CRTAM: variants seen among roughly 807,000 people sequenced by gnomAD.
CRTAM encodes the protein cytotoxic and regulatory T-cell molecule.
CRTAM carries 44 observed loss-of-function variants against 50.0 expected under a neutral mutation model. That is an observed-to-expected ratio of 0.88 (90% CI 0.69 to 1.13). The LOEUF (loss-of-function observed/expected upper bound fraction) is 1.13, where lower values mean the gene tolerates loss of function less well. Ranked by LOEUF, CRTAM falls within the 50% of genes most tolerant of loss-of-function variation. The pLI is 0.00. For synonymous variants in CRTAM, 159 were observed against 169.3 expected (o/e 0.94, Z 0.47); for missense variants, 448 against 457.5 (o/e 0.98, Z 0.19).
Position 122,867,508 on chromosome 11 carries a change from A to T in CRTAM, c.917A>T (p.Gln306Leu). Residue 306 changes from glutamine (Q) to leucine (L), a missense_variant, in exon 8 of 10, where the codon CAG (glutamine) becomes CTG (leucine). Gln to Leu is a moderately radical substitution (Grantham distance 113). Coordinates refer to ENST00000227348, the MANE Select transcript of CRTAM (RefSeq NM_019604.4). ...ATTTTCATACTCTTCATCATAGTCC[A>T]GCTCTTCATCATGAAGCTGAGGAAA... is the stretch of plus-strand genomic sequence containing the variant. ...FLIFILFIIV[Q>L]LFIMKLRKAH... The T allele has an allele frequency of 6.2e-7, 1 of 1,614,158 alleles. No homozygotes were observed. The highest frequency in any genetic ancestry group is 8.5e-7 in the Non-Finnish European group (1 of 1,180,010).
At chr11:122,840,246 T>A (rs894698049) in intron 1 of CRTAM, among the ~76,000 whole-genome samples, 3 of 152,186 alleles carry the variant, frequency 2.0e-5, no homozygotes, top group African/African-American at 7.2e-5. Flanking sequence ...GTACTTTGTG[T>A]TAATTACACT....
intron 9 of CRTAM, 89 bp downstream of exon 9, chr11:122,868,188 A>ATGTGTGTGTGTGTGTG (rs58440037): frequency 2.5e-4 from 108 of 439,982 alleles, no homozygotes; most frequent in Non-Finnish European, 3.5e-4. Context: ...ACAACAGAAT[A>ATGTGTGTGTGTGTGTG]TGTGTGTGTG....
chr11:122,863,414 A>G (rs1371198072), intron 6 of CRTAM, among the ~76,000 whole-genome samples: 2 of 152,184 alleles, frequency 1.3e-5, no homozygotes, highest in African/African-American at 4.8e-5. Context: ...GAGCAAGACT[A>G]TTAGCCTCAT....
At chr11:122,869,627 A>G (rs1862226571) in intron 9 of CRTAM, among the ~76,000 whole-genome samples, 2 of 152,222 alleles carry the variant, frequency 1.3e-5, no homozygotes, top group Non-Finnish European at 2.9e-5. Context: ...CCTCCATACA[A>G]ACTAACTTAT....
intron 1 of CRTAM, among the ~76,000 whole-genome samples, chr11:122,841,494 G>A (rs183678482): frequency 4.6e-5 from 7 of 150,676 alleles, no homozygotes; most frequent in East Asian, 1.9e-4. Flanking sequence ...TCCACCTCCC[G>A]GGTTGACGCC....
intron 9 of CRTAM, 102 bp from the exon 10 acceptor site, chr11:122,871,167 A>G (rs1862247328): frequency 1.8e-6 from 2 of 1,087,014 alleles, no homozygotes; most frequent in Non-Finnish European, 2.7e-6. Flanking sequence ...TTATAAAGCA[A>G]TATGTGAACC....
chr11:122,853,483 A>T (rs2135239074), intron 3 of CRTAM, among the ~76,000 whole-genome samples: 1 of 152,300 alleles, frequency 6.6e-6, no homozygotes. Flanking sequence ...CTTTGCAAGC[A>T]CATGAAAGCC....
intron 1 of CRTAM, among the ~76,000 whole-genome samples, chr11:122,846,685 T>TA (rs1861868257): frequency 6.6e-6 from 1 of 152,208 alleles, no homozygotes; most frequent in South Asian, 2.1e-4. Flanking sequence ...TACCATGAAC[T>TA]GAGTGGTATG....
At chr11:122,863,226 T>C (rs1862111415) in intron 6 of CRTAM, among the ~76,000 whole-genome samples, 1 of 77,502 alleles carries the variant, frequency 1.3e-5, no homozygotes, top group Admixed American at 1.5e-4. Context: ...GAAAATGAAT[T>C]ACGAAAGAAA....
At chr11:122,852,472 A>G (rs1199503318) in intron 3 of CRTAM, among the ~76,000 whole-genome samples, 1 of 152,166 alleles carries the variant, frequency 6.6e-6, no homozygotes, top group East Asian at 1.9e-4. Context: ...GGCAGAACAG[A>G]TCGATTAAAA....
rs1180954498 is a variant in CRTAM, at chr11:122,871,462, T to A, written c.*63T>A. On this transcript the variant is annotated 3_prime_UTR_variant, in exon 10 of 10. Coordinates refer to ENST00000227348, the MANE Select transcript of CRTAM (RefSeq NM_019604.4). ...GCAGTGTCACCTCAGTGGACCAGCCTGGGGGAAGGAGCTTAATTGCTGAGA... is the reference window on the plus strand; with the variant it reads ...GCAGTGTCACCTCAGTGGACCAGCCAGGGGGAAGGAGCTTAATTGCTGAGA... The A allele has an allele frequency of 6.8e-7, 1 of 1,472,106 alleles. No homozygotes were observed. The highest frequency in any genetic ancestry group is 1.4e-5 in the African/African-American group (1 of 71,526). The allele number at this position is 1,472,106 out of a possible 1,614,324, so 91.2% of individuals were successfully genotyped here.
chr11:122,852,139 T>A (rs892469614), intron 3 of CRTAM, among the ~76,000 whole-genome samples: 1 of 152,190 alleles, frequency 6.6e-6, no homozygotes, highest in African/African-American at 2.4e-5. Flanking sequence ...CCAGGCACCA[T>A]GTGAGGTTCT....
intron 6 of CRTAM, among the ~76,000 whole-genome samples, chr11:122,863,768 T>C (rs1862130506): frequency 2.6e-5 from 4 of 152,194 alleles, no homozygotes; most frequent in Non-Finnish European, 5.9e-5. Flanking sequence ...AGCAACTCAA[T>C]TTTCTGCTCT....
At chr11:122,850,330 C>A in intron 2 of CRTAM, 116 bp downstream of exon 2, 1 of 1,000,308 alleles carries the variant, frequency 1.0e-6, no homozygotes, top group Non-Finnish European at 1.4e-6. Context: ...TGGGCTCAGC[C>A]CACCTACTGT....
At chr11:122,867,252 A>T (rs1319271336) in intron 7 of CRTAM, among the ~76,000 whole-genome samples, 157 bp from the exon 8 acceptor site, 1 of 151,984 alleles carries the variant, frequency 6.6e-6, no homozygotes, top group Non-Finnish European at 1.5e-5. Flanking sequence ...GAACAATGTA[A>T]GTCTCTTTAC....
At chr11:122,860,847 G>A (rs1862062140) in intron 5 of CRTAM, among the ~76,000 whole-genome samples, 1 of 152,128 alleles carries the variant, frequency 6.6e-6, no homozygotes, top group African/African-American at 2.4e-5. Context: ...TGGAACTACA[G>A]GGGCGCACCA....
intron 1 of CRTAM, among the ~76,000 whole-genome samples, chr11:122,848,110 G>A (rs992157125): frequency 6.6e-5 from 10 of 152,188 alleles, no homozygotes; most frequent in East Asian, 1.9e-4. Context: ...GAACTGATGC[G>A]TGGGCCCCAC....
intron 1 of CRTAM, among the ~76,000 whole-genome samples, chr11:122,841,624 T>C (rs1861799676): frequency 6.6e-6 from 1 of 152,062 alleles, no homozygotes; most frequent in African/African-American, 2.4e-5. Flanking sequence ...ATAGTCTCGA[T>C]CTCCTGATCT....
chr11:122,851,742 C>T lies in CRTAM; in HGVS notation c.243C>T (p.Leu81=), dbSNP rs767956794. ...TTCTTCATCACTCGGCCAATCAGCTCTCCATCACTGTGCCTAACGTAACCC... is the reference window on the plus strand; with the variant it reads ...TTCTTCATCACTCGGCCAATCAGCTTTCCATCACTGTGCCTAACGTAACCC... The part of the protein sequence containing the change: ...YQLLHHSANQ[L]SITVPNVTLQ... The change falls in exon 3 of 10, where the codon CTC becomes CTT. Residue 81 remains leucine, a synonymous_variant. Transcript: ENST00000227348. The T allele has an allele frequency of 6.8e-6, 11 of 1,614,048 alleles. No individual in the cohort carries two copies. Among genetic ancestry groups the T allele is most frequent in the Non-Finnish European group, 8.5e-6 (10 of 1,180,014 alleles).
Sources: gnomAD v4.1 joint callset for allele counts (sites outside exome capture counted in the v4.1 genomes callset) on GRCh38, gnomAD v4.1.1 for gene constraint, MANE v1.5 for transcripts, NCBI Gene and HGNC (gene_info 2026-07-23, HGNC 2026-07-21) for gene names.